DLG2: variants seen among roughly 807,000 people sequenced by gnomAD.
The protein encoded by DLG2 is discs large MAGUK scaffold protein 2.
DLG2 carries 45 observed loss-of-function variants against 132.5 expected under a neutral mutation model. The ratio of observed to expected loss-of-function variants is 0.34; its 90% CI spans 0.27 to 0.44. DLG2 has a LOEUF of 0.44. Among genes scored for constraint, DLG2 ranks in the 20% least tolerant of loss-of-function variants. The pLI, the probability that DLG2 is intolerant of heterozygous loss-of-function variation, is 1.00. For synonymous variants in DLG2, 424 were observed against 419.6 expected (o/e 1.01, Z -0.13); for missense variants, 1,045 against 1,196.9 (o/e 0.87, Z 1.87).
chr11:85,180,944 G>A (rs2079648726), intron 4 of DLG2, among the ~76,000 whole-genome samples: 1 of 151,696 alleles, frequency 6.6e-6, no homozygotes, highest in Admixed American at 6.6e-5. Context: ...GGTTTGACAG[G>A]ATTCCAAAAT....
intron 18 of DLG2, among the ~76,000 whole-genome samples, chr11:83,723,410 A>C (rs952299250): frequency 2.6e-5 from 4 of 152,012 alleles, no homozygotes; most frequent in Non-Finnish European, 4.4e-5. Context: ...ATTAAATTGA[A>C]AACAACAAAA....
At chr11:85,479,864 A>G (rs2093244838) in intron 3 of DLG2, among the ~76,000 whole-genome samples, 1 of 152,130 alleles carries the variant, frequency 6.6e-6, no homozygotes, top group Non-Finnish European at 1.5e-5. Flanking sequence ...ATGTCTTCAC[A>G]TTGTCTTCTG....
At chr11:84,606,945 A>G (rs1488410150) in intron 6 of DLG2, among the ~76,000 whole-genome samples, 1 of 152,106 alleles carries the variant, frequency 6.6e-6, no homozygotes, top group Non-Finnish European at 1.5e-5. Context: ...TGTTTTATTT[A>G]CTACAAGTGT....
At chr11:83,507,792 A>G (rs865817801) in intron 21 of DLG2, among the ~76,000 whole-genome samples, 10 of 99,232 alleles carry the variant, frequency 1.0e-4, no homozygotes, top group African/African-American at 1.2e-4. Context: ...ATATATATAT[A>G]TATATATGTA....
intron 12 of DLG2, among the ~76,000 whole-genome samples, chr11:83,977,208 C>A (rs1030970986): frequency 3.9e-5 from 6 of 151,914 alleles, no homozygotes; most frequent in Non-Finnish European, 5.9e-5. Flanking sequence ...AGTAACTTCT[C>A]AAAGGCTTTG....
At chr11:84,044,313 C>T (rs941292202) in intron 11 of DLG2, among the ~76,000 whole-genome samples, 20 of 151,872 alleles carry the variant, frequency 1.3e-4, no homozygotes, top group African/African-American at 3.1e-4. Flanking sequence ...GTTTTGATTG[C>T]GGCATTCTTA....
intron 9 of DLG2, among the ~76,000 whole-genome samples, chr11:84,113,030 T>C (rs564024194): frequency 3.9e-5 from 6 of 152,326 alleles, no homozygotes; most frequent in African/African-American, 1.2e-4. Flanking sequence ...TTCACTGTGT[T>C]CACCTGTGTG....
At chr11:83,826,634 T>C (rs1395200952) in intron 17 of DLG2, among the ~76,000 whole-genome samples, 2 of 152,110 alleles carry the variant, frequency 1.3e-5, no homozygotes, top group Non-Finnish European at 2.9e-5. Context: ...GCAATAAGCT[T>C]TTACCTCCTC....
chr11:83,742,411 T>C lies in DLG2; in HGVS notation c.1825+44279A>G, dbSNP rs369636801. Among the ~76,000 whole-genome samples the C allele has an allele frequency of 7.2e-5, 11 of 152,268 alleles. 1 individual carries two copies. In the South Asian group the frequency reaches 1.5e-3, roughly 20 times the overall value. On this transcript the variant is annotated intron_variant, in intron 18 of 27. Coordinates refer to ENST00000376104, the MANE Select transcript of DLG2 (RefSeq NM_001142699.3). ...TAGTACTCTAAGGAAAAAAAATCTA[T>C]GGAAAAATTAGTTATTAGCAGGAGA...
At chr11:84,753,811 C>G (rs531927875) in intron 6 of DLG2, among the ~76,000 whole-genome samples, 7 of 152,232 alleles carry the variant, frequency 4.6e-5, no homozygotes, top group African/African-American at 1.7e-4. Context: ...CTGGAAAAGT[C>G]AAATAGATTG....
At chr11:84,730,825 C>T (rs2063065834) in intron 6 of DLG2, among the ~76,000 whole-genome samples, 1 of 151,996 alleles carries the variant, frequency 6.6e-6, no homozygotes, top group Non-Finnish European at 1.5e-5. Flanking sequence ...AATCATACAG[C>T]AAGTTGAATG....
intron 5 of DLG2, among the ~76,000 whole-genome samples, chr11:85,152,244 A>T (rs531651804): frequency 3.1e-4 from 45 of 145,896 alleles, no homozygotes; most frequent in Admixed American, 2.5e-3. Context: ...TTATTTATTA[A>T]TTTTTTTTTT....
chr11:84,308,096 G>A (rs960362441), intron 7 of DLG2, among the ~76,000 whole-genome samples: 3 of 152,144 alleles, frequency 2.0e-5, no homozygotes, highest in Non-Finnish European at 4.4e-5. Context: ...TGCCACTGCT[G>A]GCTCTGGGAG....
chr11:84,004,947 C>CCAAAA (rs2094509974), intron 11 of DLG2, among the ~76,000 whole-genome samples: 1 of 138,082 alleles, frequency 7.2e-6, no homozygotes, highest in African/African-American at 2.7e-5. Flanking sequence ...TATATAGAAT[C>CCAAAA]AAAAAAAAAA....
intron 6 of DLG2, among the ~76,000 whole-genome samples, chr11:84,562,487 C>T (rs1015382548): frequency 8.5e-5 from 13 of 152,086 alleles, no homozygotes; most frequent in Non-Finnish European, 1.6e-4. Context: ...TCTCTAAATG[C>T]TTATAATAGT....
At chr11:84,942,413 G>A (rs1214281426) in intron 6 of DLG2, among the ~76,000 whole-genome samples, 1 of 151,826 alleles carries the variant, frequency 6.6e-6, no homozygotes, top group African/African-American at 2.4e-5. Flanking sequence ...CACAGATATT[G>A]GTATATTCTG....
chr11:83,595,429 C>T (rs1565974040), intron 19 of DLG2, among the ~76,000 whole-genome samples: 1 of 152,188 alleles, frequency 6.6e-6, no homozygotes. Flanking sequence ...AGGGCATCCT[C>T]CTCATTTTTC....
At chr11:83,727,578 C>T (rs1019152620) in intron 18 of DLG2, among the ~76,000 whole-genome samples, 6 of 152,178 alleles carry the variant, frequency 3.9e-5, no homozygotes, top group Admixed American at 3.9e-4. Flanking sequence ...CCCAAAAGTT[C>T]CCAGGATTTC....
At chr11:84,137,835 TCA>T (rs1236595148) in intron 9 of DLG2, among the ~76,000 whole-genome samples, 1 of 152,206 alleles carries the variant, frequency 6.6e-6, no homozygotes, top group East Asian at 1.9e-4. Flanking sequence ...ATAGCTGATT[TCA>T]CAGTCAGTGC....
Sources: allele counts gnomAD v4.1 joint callset (sites outside exome capture counted in the v4.1 genomes callset), GRCh38; gene constraint gnomAD v4.1.1; transcripts MANE v1.5; gene names NCBI Gene and HGNC (gene_info 2026-07-23, HGNC 2026-07-21).